ANTXR1: variants seen among roughly 807,000 people sequenced by gnomAD.
ANTXR1 encodes the protein anthrax toxin receptor 1.
A neutral mutation model predicts 78.1 loss-of-function variants in ANTXR1; 19 were observed. The ratio of observed to expected loss-of-function variants is 0.24; its 90% confidence interval spans 0.17 to 0.36. The LOEUF is 0.36. Among genes scored for constraint, ANTXR1 ranks in the 10% least tolerant of loss-of-function variants. The pLI is 1.00. For missense variants in ANTXR1, 518 were observed against 718.6 expected, an observed-to-expected ratio of 0.72 and a Z score of 3.19; for synonymous variants, 273 against 260.5, an observed-to-expected ratio of 1.05 and a Z score of -0.46.
intron 3 of ANTXR1, among the ~76,000 whole-genome samples, chr2:69,060,533 G>C (rs919257560): frequency 6.6e-6 from 1 of 152,184 alleles, no homozygotes; most frequent in Non-Finnish European, 1.5e-5. Context: ...ACATAGAAAT[G>C]TGAGAAAGAA....
rs35660492 is a variant in ANTXR1, at chr2:69,205,607, T to TAA, written c.1434+12193_1434+12194dup. Among the ~76,000 whole-genome samples the TAA allele has an allele frequency of 6.1e-5, 9 of 148,514 alleles. No individual in the cohort carries two copies. The East Asian group carries it at 1.8e-3, about 29-fold the overall frequency. ...GAACCATGGCTTTTTTTTTTTTTTT[T>TAA]AACTTTCCCTCACAGCACTGAGGAC... On this transcript the variant is annotated intron_variant, in intron 17 of 17. Transcript: ENST00000303714.
At chr2:69,145,201 CG>C (rs1248327184) in intron 12 of ANTXR1, 2 of 925,918 alleles carry the variant, frequency 2.2e-6, no homozygotes, top group Non-Finnish European at 3.4e-6. Context: ...GGCAGAGTTA[CG>C]GGGGGCTGAT....
chr2:69,146,917 C>T (rs991755958), intron 12 of ANTXR1, among the ~76,000 whole-genome samples: 2 of 152,240 alleles, frequency 1.3e-5, no homozygotes, highest in Non-Finnish European at 2.9e-5. Context: ...AGCTCACACA[C>T]CAGTCCCGAG....
At chr2:69,120,240 T>C (rs1462873527) in intron 10 of ANTXR1, among the ~76,000 whole-genome samples, 1 of 152,198 alleles carries the variant, frequency 6.6e-6, no homozygotes, top group Non-Finnish European at 1.5e-5. Flanking sequence ...AACAGAATAG[T>C]TGTATGGGTA....
intron 14 of ANTXR1, among the ~76,000 whole-genome samples, 157 bp downstream of exon 14, chr2:69,170,446 G>A (rs1212995725): frequency 6.6e-6 from 1 of 152,220 alleles, no homozygotes; most frequent in African/African-American, 2.4e-5. Context: ...GGAGGAAACT[G>A]TCTGGCCTTT....
At chr2:69,184,173 T>A (rs1674363024) in intron 16 of ANTXR1, among the ~76,000 whole-genome samples, 1 of 152,186 alleles carries the variant, frequency 6.6e-6, no homozygotes, top group Non-Finnish European at 1.5e-5. Flanking sequence ...CTCCAACAAA[T>A]CAAAAGAAGT....
chr2:69,151,667 C>T (rs1333977904), intron 12 of ANTXR1, among the ~76,000 whole-genome samples: 1 of 151,850 alleles, frequency 6.6e-6, no homozygotes, highest in Non-Finnish European at 1.5e-5. Context: ...ACAGACCCTA[C>T]AAGGCATCCC....
intron 3 of ANTXR1, among the ~76,000 whole-genome samples, chr2:69,053,220 T>A (rs1054878100): frequency 6.6e-6 from 1 of 152,188 alleles, no homozygotes; most frequent in Non-Finnish European, 1.5e-5. Context: ...TGGGAAAAGT[T>A]CTGCAGCAGA....
chr2:69,074,080 G>T (rs62135632), intron 6 of ANTXR1, among the ~76,000 whole-genome samples: 1 of 152,166 alleles, frequency 6.6e-6, no homozygotes, highest in Non-Finnish European at 1.5e-5. Context: ...AGGCACAGAG[G>T]TGAGTGAGAT....
At chr2:69,077,241 G>T (rs945515811) in intron 7 of ANTXR1, 167 bp from the exon 8 acceptor site, 1 of 693,528 alleles carries the variant, frequency 1.4e-6, no homozygotes, top group Non-Finnish European at 2.6e-6. Flanking sequence ...TGGTGAGCTT[G>T]TTATTACTGA....
intron 12 of ANTXR1, among the ~76,000 whole-genome samples, chr2:69,144,980 G>A (rs1406814120): frequency 6.6e-6 from 1 of 152,228 alleles, no homozygotes; most frequent in East Asian, 1.9e-4. Context: ...GGGCAATAAA[G>A]CATGCCTCTT....
In ANTXR1 at chr2:69,029,283, A is replaced by T. The variant is rs60323330; in HGVS notation, c.153-10761A>T. Among the ~76,000 whole-genome samples the T allele has an allele frequency of 4.7e-5, 7 of 149,480 alleles. No individual in the cohort carries two copies. In the Admixed American group the frequency reaches 4.7e-4, roughly 10 times the overall value. On this transcript the variant is annotated intron_variant, in intron 1 of 17. Transcript: ENST00000303714. ...AAGTAGGTCAAAGACTAGATCCAGG[A>T]TATCTAATATCTAATATATATATAT... is the stretch of plus-strand genomic sequence containing the variant.
At chr2:69,234,510 C>T (rs1045458213) in intron 17 of ANTXR1, among the ~76,000 whole-genome samples, 2 of 152,162 alleles carry the variant, frequency 1.3e-5, no homozygotes, top group African/African-American at 4.8e-5. Context: ...GGCACAGTGA[C>T]TTATGCCTGT....
chr2:69,028,114 T>A (rs990465513), intron 1 of ANTXR1, among the ~76,000 whole-genome samples: 6 of 152,018 alleles, frequency 3.9e-5, no homozygotes, highest in African/African-American at 1.4e-4. Context: ...ATGAAAAAAA[T>A]AGCTATTCAA....
intron 3 of ANTXR1, among the ~76,000 whole-genome samples, chr2:69,047,706 G>C: frequency 6.6e-6 from 1 of 152,060 alleles, no homozygotes; most frequent in East Asian, 1.9e-4. Flanking sequence ...TTCCTCCCCA[G>C]TCCACCAGTT....
intron 8 of ANTXR1, among the ~76,000 whole-genome samples, chr2:69,089,458 C>T (rs1043135143): frequency 2.0e-5 from 3 of 152,180 alleles, no homozygotes; most frequent in African/African-American, 4.8e-5. Flanking sequence ...CTGTCCTTTT[C>T]GTTTGCTACT....
chr2:69,056,283 C>G (rs1444403632), intron 3 of ANTXR1, among the ~76,000 whole-genome samples: 5 of 152,208 alleles, frequency 3.3e-5, no homozygotes, highest in Non-Finnish European at 7.3e-5. Context: ...ATTTCTACCT[C>G]TGAAGCCACG....
chr2:69,105,891 G>T (rs1384735134), intron 10 of ANTXR1, among the ~76,000 whole-genome samples: 1 of 152,190 alleles, frequency 6.6e-6, no homozygotes, highest in African/African-American at 2.4e-5. Flanking sequence ...ACATGAGGCA[G>T]ACCTCAGGAT....
At chr2:69,059,968 A>G (rs1418328386) in intron 3 of ANTXR1, among the ~76,000 whole-genome samples, 1 of 152,224 alleles carries the variant, frequency 6.6e-6, no homozygotes, top group Non-Finnish European at 1.5e-5. Flanking sequence ...ATGAAAATAG[A>G]GTTGTATAAA....
Sources: gnomAD v4.1 joint callset for allele counts (sites outside exome capture counted in the v4.1 genomes callset) on GRCh38, gnomAD v4.1.1 for gene constraint, MANE v1.5 for transcripts, NCBI Gene and HGNC (gene_info 2026-07-23, HGNC 2026-07-21) for gene names.